The following ZNF148 variants were observed in gnomAD, a reference collection of about 807,000 sequenced individuals.
ZNF148 encodes the protein zinc finger protein 148.
A neutral mutation model predicts 67.7 loss-of-function variants in ZNF148; 7 were observed. The observed-to-expected ratio is 0.10, with a 90% CI of 0.06 to 0.19. The LOEUF (loss-of-function observed/expected upper bound fraction) is 0.19. Ranked by LOEUF, ZNF148 falls within the 10% of genes least tolerant of loss-of-function variation. ZNF148 has a pLI of 1.00. For missense variants in ZNF148, 583 were observed against 947.1 expected, an observed-to-expected ratio of 0.62 and a Z score of 5.05; for synonymous variants, 333 against 330.7, an observed-to-expected ratio of 1.01 and a Z score of -0.08.
chr3:125,351,403 A>AAAAAAC (rs1942148530), intron 1 of ZNF148, among the ~76,000 whole-genome samples: 1 of 151,124 alleles, frequency 6.6e-6, no homozygotes, highest in South Asian at 2.1e-4. Flanking sequence ...AAAAAAAAAA[A>AAAAAAC]AAGCGCAGTT....
chr3:125,256,369 C>CA lies in ZNF148; in HGVS notation c.667+21356dup, dbSNP rs34918292. On this transcript the variant is annotated intron_variant, in intron 7 of 8. Coordinates refer to ENST00000360647, the MANE Select transcript of ZNF148 (RefSeq NM_021964.3). ...GGTCAAAGAGCGAGACTCCATTTCC[C>CA]AAAAAAAAAAAAAAAATTAAGCCCT... Among the ~76,000 whole-genome samples, 279 of 138,028 alleles carry CA rather than the reference C, an allele frequency of 2.0e-3. 1 individual carries two copies. Among genetic ancestry groups the CA allele is most frequent in the African/African-American group, 5.6e-3 (207 of 36,828 alleles). 90.6% of individuals were successfully genotyped at this position (138,028 alleles called of 152,430 possible).
At chr3:125,318,898 T>C (rs1940642925) in intron 3 of ZNF148, among the ~76,000 whole-genome samples, 1 of 152,088 alleles carries the variant, frequency 6.6e-6, no homozygotes, top group East Asian at 1.9e-4. Context: ...GATTTATTCT[T>C]CCCTCATCAC....
intron 2 of ZNF148, among the ~76,000 whole-genome samples, 187 bp downstream of exon 2, chr3:125,330,971 T>A (rs919041537): frequency 6.6e-6 from 1 of 152,130 alleles, no homozygotes; most frequent in African/African-American, 2.4e-5. Context: ...TATGTACATA[T>A]GTCCATATCT....
chr3:125,238,155 A>C (rs1484390663), intron 7 of ZNF148, among the ~76,000 whole-genome samples: 1 of 152,202 alleles, frequency 6.6e-6, no homozygotes, highest in Non-Finnish European at 1.5e-5. Context: ...TTACAGGCCT[A>C]AGTGTGAGAC....
intron 5 of ZNF148, among the ~76,000 whole-genome samples, chr3:125,284,102 T>G (rs928305456): frequency 6.6e-6 from 1 of 152,298 alleles, no homozygotes; most frequent in African/African-American, 2.4e-5. Flanking sequence ...ATTCAGTTAC[T>G]AAGGAGGTGG....
chr3:125,269,620 G>A (rs1300440914), intron 7 of ZNF148, among the ~76,000 whole-genome samples: 4 of 151,846 alleles, frequency 2.6e-5, no homozygotes, highest in Non-Finnish European at 5.9e-5. Flanking sequence ...CATACCCAAA[G>A]GAAAAAAAAA....
At chr3:125,267,249 G>A (rs1334994625) in intron 7 of ZNF148, among the ~76,000 whole-genome samples, 7 of 150,162 alleles carry the variant, frequency 4.7e-5, no homozygotes, top group Admixed American at 1.3e-4. Flanking sequence ...ATCTGGCAAA[G>A]ACACAACGGG....
chr3:125,371,652 C>A (rs1942889887), intron 1 of ZNF148, among the ~76,000 whole-genome samples: 1 of 145,894 alleles, frequency 6.9e-6, no homozygotes, highest in East Asian at 2.0e-4. Context: ...AAGCTAGACT[C>A]CGTCCCAAAA....
At chr3:125,374,595 C>A (rs1366630092) in intron 1 of ZNF148, among the ~76,000 whole-genome samples, 1 of 152,058 alleles carries the variant, frequency 6.6e-6, no homozygotes, top group Non-Finnish European at 1.5e-5. Flanking sequence ...GCCCTGTTCG[C>A]ACTCCCACTA....
chr3:125,280,277 G>A (rs942833102), intron 5 of ZNF148, among the ~76,000 whole-genome samples: 21 of 152,036 alleles, frequency 1.4e-4, no homozygotes, highest in Admixed American at 7.9e-4. Flanking sequence ...GTCTTTCTGG[G>A]CTTATTGAGA....
chr3:125,304,374 A>G (rs976963399), intron 4 of ZNF148, among the ~76,000 whole-genome samples: 5 of 152,128 alleles, frequency 3.3e-5, no homozygotes, highest in Non-Finnish European at 5.9e-5. Flanking sequence ...GAGTGGATGT[A>G]GACCAGTGCA....
At chr3:125,318,424 G>C (rs1431769908) in intron 3 of ZNF148, among the ~76,000 whole-genome samples, 4 of 152,056 alleles carry the variant, frequency 2.6e-5, no homozygotes, top group Admixed American at 2.0e-4. Flanking sequence ...CAGGGGCTAG[G>C]GATACTACAC....
chr3:125,373,360 G>A (rs1942952715), intron 1 of ZNF148, among the ~76,000 whole-genome samples: 3 of 150,984 alleles, frequency 2.0e-5, no homozygotes, highest in African/African-American at 7.3e-5. Flanking sequence ...CAAAGTGCTG[G>A]GATTACAGGT....
intron 4 of ZNF148, among the ~76,000 whole-genome samples, chr3:125,295,408 G>C (rs541704791): frequency 1.3e-5 from 2 of 151,442 alleles, no homozygotes; most frequent in South Asian, 4.2e-4. Context: ...AGCCAGGATC[G>C]TGCCACTGCA....
intron 4 of ZNF148, among the ~76,000 whole-genome samples, chr3:125,301,111 T>G (rs1190250164): frequency 6.6e-6 from 1 of 152,250 alleles, no homozygotes; most frequent in African/African-American, 2.4e-5. Context: ...ACACTTGAAA[T>G]GTGACTAGTG....
chr3:125,330,874 A>G (rs1941260893), intron 2 of ZNF148, among the ~76,000 whole-genome samples: 3 of 152,172 alleles, frequency 2.0e-5, no homozygotes, highest in African/African-American at 7.2e-5. Flanking sequence ...CCTTCCTAAC[A>G]TAAAGGAAAT....
intron 4 of ZNF148, among the ~76,000 whole-genome samples, chr3:125,303,557 T>C (rs1024670047): frequency 5.9e-5 from 9 of 152,232 alleles, no homozygotes; most frequent in Non-Finnish European, 7.3e-5. Context: ...GCAAGGGATC[T>C]AGGTTCCCTG....
intron 4 of ZNF148, among the ~76,000 whole-genome samples, chr3:125,310,644 G>A (rs1165861858): frequency 6.6e-6 from 1 of 151,906 alleles, no homozygotes; most frequent in Non-Finnish European, 1.5e-5. Context: ...ATAGGAAATA[G>A]AGGGAAAAAA....
intron 7 of ZNF148, among the ~76,000 whole-genome samples, chr3:125,237,474 C>T (rs779764609): frequency 9.9e-5 from 15 of 151,768 alleles, no homozygotes; most frequent in Non-Finnish European, 1.6e-4. Flanking sequence ...TCCAGCTACT[C>T]GGGAGGCTGA....
Sources: allele counts gnomAD v4.1 joint callset (sites outside exome capture counted in the v4.1 genomes callset), GRCh38; gene constraint gnomAD v4.1.1; transcripts MANE v1.5; gene names NCBI Gene and HGNC (gene_info 2026-07-23, HGNC 2026-07-21).